The following FBXL14 variants were observed in gnomAD, a reference collection of about 807,000 sequenced individuals.
FBXL14 encodes the protein F-box/LRR-repeat protein 14.
In FBXL14, 11 loss-of-function variants were observed where a neutral mutation model predicts 24.5. The ratio of observed to expected loss-of-function variants is 0.45; its 90% CI spans 0.28 to 0.74. The LOEUF (loss-of-function observed/expected upper bound fraction) is 0.74. Ranked by LOEUF, FBXL14 falls within the 30% of genes least tolerant of loss-of-function variation. FBXL14 has a pLI of 0.12. For synonymous variants in FBXL14, 294 were observed against 240.4 expected (o/e 1.22, Z -2.06); for missense variants, 384 against 545.6 (o/e 0.70, Z 2.95).
chr12:1,594,123 G>C lies in FBXL14; in HGVS notation c.-57C>G, dbSNP rs1229943257. On this transcript the variant is annotated 5_prime_UTR_variant, in exon 1 of 2. Coordinates refer to ENST00000339235, the MANE Select transcript of FBXL14 (RefSeq NM_152441.3). ...GAGGAGGCGCGGGCCCCGCCGCTCC[G>C]GCCTCGGGCAGGCGACGAGAGCGCT... The C allele has an allele frequency of 1.2e-5, 16 of 1,294,926 alleles. No individual in the cohort carries two copies. The highest frequency in any genetic ancestry group is 5.3e-4 in the Middle Eastern group (2 of 3,808). 80.2% of individuals were successfully genotyped at this position (1,294,926 alleles called of 1,614,324 possible). A position where few individuals can be genotyped will look rare whatever the true frequency, so the allele number is the denominator to read the frequency against.
intron 1 of FBXL14, chr12:1,574,652 T>C (rs2094452435): frequency 5.2e-6 from 1 of 193,092 alleles, no homozygotes; most frequent in South Asian, 8.4e-5. Flanking sequence ...GAAGTTCAAG[T>C]TCTCAAATGC....
intron 1 of FBXL14, among the ~76,000 whole-genome samples, chr12:1,588,334 C>T (rs1027503371): frequency 1.3e-4 from 20 of 152,170 alleles, no homozygotes; most frequent in African/African-American, 4.8e-4. Context: ...GATTTGGGAG[C>T]TAGGCCATGC....
At chr12:1,588,487 CT>C (rs1370174615) in intron 1 of FBXL14, among the ~76,000 whole-genome samples, 1 of 152,150 alleles carries the variant, frequency 6.6e-6, no homozygotes, top group Admixed American at 6.5e-5. Flanking sequence ...TTAGGATATA[CT>C]GGTACTGGCT....
chr12:1,571,497 C>T (rs1463985096), intron 1 of FBXL14, among the ~76,000 whole-genome samples: 1 of 152,276 alleles, frequency 6.6e-6, no homozygotes, highest in Non-Finnish European at 1.5e-5. Context: ...AGTGAGCCAC[C>T]GCGCCCAGCC....
intron 1 of FBXL14, among the ~76,000 whole-genome samples, chr12:1,583,568 C>T (rs1222916655): frequency 1.3e-5 from 2 of 152,054 alleles, no homozygotes; most frequent in African/African-American, 2.4e-5. Flanking sequence ...TTTGCGGGTG[C>T]GGGTGAAAGA....
intron 1 of FBXL14, 54 bp downstream of exon 1, chr12:1,592,819 G>T: frequency 6.9e-7 from 1 of 1,443,714 alleles, no homozygotes; most frequent in Non-Finnish European, 9.4e-7. Context: ...CGGTGGTAAT[G>T]GGAGGATGAA....
chr12:1,589,436 CA>C (rs71055169), intron 1 of FBXL14, among the ~76,000 whole-genome samples: 20,988 of 33,988 alleles, frequency 0.62, 5,821 homozygotes, highest in Non-Finnish European at 0.69. Flanking sequence ...GACCTTGTCT[CA>C]AAAAAAAAAA....
chr12:1,571,396 C>T (rs1007840444), intron 1 of FBXL14, among the ~76,000 whole-genome samples: 3 of 151,932 alleles, frequency 2.0e-5, no homozygotes, highest in Non-Finnish European at 2.9e-5. Flanking sequence ...TTAGTAGAGA[C>T]GGGGTTTCTC....
In FBXL14 at chr12:1,589,571, G is replaced by C. The variant is rs74058773; in HGVS notation, c.1194+3302C>G. Among the ~76,000 whole-genome samples the C allele has an allele frequency of 2.5e-3, 381 of 152,228 alleles. 1 individual carries two copies. Among genetic ancestry groups the C allele is most frequent in the African/African-American group, 8.5e-3 (352 of 41,532 alleles). On this transcript the variant is annotated intron_variant, in intron 1 of 1. Coordinates refer to ENST00000339235, the MANE Select transcript of FBXL14 (RefSeq NM_152441.3). ...TTACTGGTTGGGTAACTTACGGCAG[G>C]AATTATGACTTATCTGGAAAACAGG...
At chr12:1,582,473 A>G (rs1310501779) in intron 1 of FBXL14, among the ~76,000 whole-genome samples, 1 of 152,084 alleles carries the variant, frequency 6.6e-6, no homozygotes, top group Non-Finnish European at 1.5e-5. Context: ...TCTTTCCTTT[A>G]CAACCTGTAT....
At chr12:1,591,534 T>C in intron 1 of FBXL14, among the ~76,000 whole-genome samples, 1 of 152,138 alleles carries the variant, frequency 6.6e-6, no homozygotes, top group Non-Finnish European at 1.5e-5. Flanking sequence ...GTCTTGCATG[T>C]TGCTGTGGAG....
chr12:1,581,619 A>G (rs1012084128), intron 1 of FBXL14, among the ~76,000 whole-genome samples: 3 of 152,182 alleles, frequency 2.0e-5, no homozygotes, highest in African/African-American at 7.2e-5. Flanking sequence ...GATGAAAACA[A>G]CGTTGGTCCT....
rs942163452 is a variant in FBXL14, at chr12:1,589,923, G to A, written c.1194+2950C>T. Reference sequence around the variant, plus strand: ...CAGAAGAACGTGCTTCACGTTACAGGTGGTAGGAATATTTTGCCTATTAAA... The same window carrying A: ...CAGAAGAACGTGCTTCACGTTACAGATGGTAGGAATATTTTGCCTATTAAA... On this transcript the variant is annotated intron_variant, in intron 1 of 1. Coordinates refer to ENST00000339235, the MANE Select transcript of FBXL14 (RefSeq NM_152441.3). 4.6e-5 allele frequency among the ~76,000 whole-genome samples: 7 copies of A among 152,332 alleles called. No homozygotes were observed. In the South Asian group the frequency reaches 1.2e-3, roughly 27 times the overall value.
Position 1,579,530 on chromosome 12 carries a change from C to T in FBXL14, c.1195-12720G>A, listed in dbSNP as rs12424887. On this transcript the variant is annotated intron_variant, in intron 1 of 1. Coordinates refer to ENST00000339235, the MANE Select transcript of FBXL14 (RefSeq NM_152441.3). This position sits in a 1 kb window ranked among gnomAD's most constrained non-coding sequence, Gnocchi z 4.3. ...ACTCGAGAGGCTGAGGTGGGAGAAT[C>T]GCTTGAGGGGAGTGGGAGGTTGCAG... Among the ~76,000 whole-genome samples, 139 of 150,356 alleles carry T rather than the reference C, an allele frequency of 9.2e-4. No homozygotes were observed. The highest frequency in any genetic ancestry group is 3.3e-3 in the African/African-American group (134 of 40,884).
At chr12:1,575,506 A>G (rs550821542) in intron 1 of FBXL14, among the ~76,000 whole-genome samples, 1 of 152,292 alleles carries the variant, frequency 6.6e-6, no homozygotes, top group African/African-American at 2.4e-5. Flanking sequence ...CCCGTGGGGA[A>G]AACACCCTCT....
chr12:1,574,379 T>G (rs2094451253), intron 1 of FBXL14, among the ~76,000 whole-genome samples: 5 of 150,062 alleles, frequency 3.3e-5, no homozygotes, highest in Admixed American at 1.3e-4. Context: ...GTGGCAGCGG[T>G]GTGGATGGAG....
At position 1,569,740 on chromosome 12, in the gene FBXL14, G is replaced by A. The variant is rs974912271; in HGVS notation, c.1195-2930C>T. 2.0e-5 allele frequency among the ~76,000 whole-genome samples: 3 copies of A among 152,188 alleles called. No individual in the cohort carries two copies. Among genetic ancestry groups the A allele is most frequent in the Admixed American group, 6.5e-5 (1 of 15,276 alleles). ...TGGCTGTTGAGCATAGCTCATCCTC[G>A]AAGTTTGTTTAATGCTCATTTTATG... On this transcript the variant is annotated intron_variant, in intron 1 of 1. Transcript: ENST00000339235. The surrounding 1 kb of genome is among the most constrained non-coding windows in gnomAD (Gnocchi z 4.2).
At position 1,592,797 on chromosome 12, in the gene FBXL14, AGT is replaced by A. The variant is rs1313507030; in HGVS notation, c.1194+74_1194+75del. 6 of 1,234,442 alleles carry A rather than the reference AGT, an allele frequency of 4.9e-6. No individual in the cohort carries two copies. In the Admixed American group the frequency reaches 7.1e-5, roughly 15 times the overall value. The allele number at this position is 1,234,442 out of a possible 1,614,324, so 76.5% of individuals were successfully genotyped here. A position where few individuals can be genotyped will look rare whatever the true frequency, so the allele number is the denominator to read the frequency against. ...TGATCTGTGCGTAAGTGTGCGTGTG[AGT>A]GTGTGGGGGCGGTGGTAATGGGAGG... On this transcript the variant is annotated intron_variant, in intron 1 of 1. Coordinates refer to ENST00000339235, the MANE Select transcript of FBXL14 (RefSeq NM_152441.3).
At chr12:1,570,378 C>G (rs1432323601) in intron 1 of FBXL14, among the ~76,000 whole-genome samples, 2 of 152,214 alleles carry the variant, frequency 1.3e-5, no homozygotes, top group Non-Finnish European at 2.9e-5. Context: ...AGGGCTGTCA[C>G]AGGGAGCACT....
Sources: allele counts gnomAD v4.1 joint callset (sites outside exome capture counted in the v4.1 genomes callset), GRCh38; gene constraint gnomAD v4.1.1; non-coding constraint Gnocchi (gnomAD v3.1); transcripts MANE v1.5; gene names NCBI Gene and HGNC (gene_info 2026-07-23, HGNC 2026-07-21).